Variants in ATP8B1 observed in about 807,000 individuals in gnomAD.
ATP8B1 encodes phospholipid-transporting ATPase IC.
A neutral mutation model predicts 149.9 loss-of-function variants in ATP8B1; 80 were observed. The observed-to-expected ratio is 0.53, with a 90% CI of 0.45 to 0.64. The LOEUF is 0.64. Ranked by LOEUF, ATP8B1 falls within the 30% of genes least tolerant of loss-of-function variation. The pLI is 0.00. For synonymous variants in ATP8B1, 536 were observed against 562.8 expected (o/e 0.95, Z 0.67); for missense variants, 1,247 against 1,552.6 (o/e 0.80, Z 3.31).
At chr18:57,700,431 C>T (rs1419170218) in intron 6 of ATP8B1, among the ~76,000 whole-genome samples, 1 of 152,102 alleles carries the variant, frequency 6.6e-6, no homozygotes, top group Non-Finnish European at 1.5e-5. Flanking sequence ...AGGTTCATTA[C>T]GTCCACTGGG....
chr18:57,658,656 TGTGTGTGTGTG>T (rs1910174983), intron 22 of ATP8B1, among the ~76,000 whole-genome samples: 1 of 149,206 alleles, frequency 6.7e-6, no homozygotes, highest in Admixed American at 7.0e-5. Flanking sequence ...TGTGTGTGTG[TGTGTGTGTGTG>T]TTCTTTTTTG....
intron 1 of ATP8B1, among the ~76,000 whole-genome samples, chr18:57,785,069 G>A (rs964884683): frequency 1.3e-5 from 2 of 152,170 alleles, no homozygotes; most frequent in African/African-American, 4.8e-5. Context: ...TTCCGGCTTT[G>A]TTGACAAGCA....
chr18:57,790,192 G>T (rs187771790), intron 1 of ATP8B1, among the ~76,000 whole-genome samples: 1 of 151,742 alleles, frequency 6.6e-6, no homozygotes, highest in Non-Finnish European at 1.5e-5. Context: ...CTACCTTCCA[G>T]TTCTCATCCC....
chr18:57,799,797 C>CAT (rs1445509427), intron 1 of ATP8B1, among the ~76,000 whole-genome samples: 3 of 151,658 alleles, frequency 2.0e-5, no homozygotes, highest in African/African-American at 7.3e-5. Context: ...CATACATGCA[C>CAT]ATATATATGC....
intron 15 of ATP8B1, among the ~76,000 whole-genome samples, chr18:57,682,505 C>T (rs1346611543): frequency 6.6e-6 from 1 of 152,176 alleles, no homozygotes; most frequent in African/African-American, 2.4e-5. Context: ...CCCTTAAAAT[C>T]CTATCACGTA....
chr18:57,752,214 AATAATAATAATG>A (rs1223916731), intron 1 of ATP8B1, among the ~76,000 whole-genome samples: 7 of 139,838 alleles, frequency 5.0e-5, no homozygotes, highest in Admixed American at 7.2e-5. Flanking sequence ...CTCAAATAAT[AATAATAATAATG>A]ATAATAATAA....
intron 16 of ATP8B1, among the ~76,000 whole-genome samples, chr18:57,672,484 A>C (rs190439068): frequency 2.6e-5 from 4 of 152,346 alleles, no homozygotes; most frequent in Admixed American, 1.3e-4. Flanking sequence ...TTATTGGTTA[A>C]AAATTCAATC....
rs535179119 is a variant in ATP8B1, at chr18:57,704,527, A to G, written c.393+28T>C. On this transcript the variant is annotated intron_variant, in intron 4 of 27. Coordinates refer to ENST00000648908, the MANE Select transcript of ATP8B1 (RefSeq NM_001374385.1). Reference sequence around the variant, plus strand: ...ATGTTATCGAGTCACTATAATTCAAACAGATTTAAGATAGCAAAGGGCATT... The same window carrying G: ...ATGTTATCGAGTCACTATAATTCAAGCAGATTTAAGATAGCAAAGGGCATT... 3 of 1,411,982 alleles carry G rather than the reference A, an allele frequency of 2.1e-6. No individual in the cohort carries two copies. The South Asian group carries it at 3.5e-5, about 16-fold the overall frequency. 87.5% of individuals were successfully genotyped at this position (1,411,982 alleles called of 1,614,324 possible). A position where few individuals can be genotyped will look rare whatever the true frequency, so the allele number is the denominator to read the frequency against.
Position 57,650,431 on chromosome 18 carries a change from C to T in ATP8B1, c.3467G>A (p.Cys1156Tyr), listed in dbSNP as rs377459678. 1 of 1,613,906 alleles carries T rather than the reference C, an allele frequency of 6.2e-7. No individual in the cohort carries two copies. Among genetic ancestry groups the T allele is most frequent in the African/African-American group, 1.3e-5 (1 of 74,916 alleles). Residue 1156 changes from cysteine (C) to tyrosine (Y), a missense_variant, in exon 27 of 28, where the codon TGC (cysteine) becomes TAC (tyrosine). This residue lies in a region of ATP8B1 where 164 missense variants were observed against 160.3 expected (regional missense o/e 1.02). Coordinates refer to ENST00000648908, the MANE Select transcript of ATP8B1 (RefSeq NM_001374385.1). Reference protein sequence around the residue: ...WLTIILAVAVCLLPVVAIRFL... With the variant: ...WLTIILAVAVYLLPVVAIRFL... ...TCGAATGGCAACGACGGGTAGTAAGCACACAGCAACAGCCAGGATGATAGT... is the reference window on the plus strand; with the variant it reads ...TCGAATGGCAACGACGGGTAGTAAGTACACAGCAACAGCCAGGATGATAGT...
At chr18:57,764,756 T>TAA (rs1568061359) in intron 1 of ATP8B1, among the ~76,000 whole-genome samples, 4 of 66,436 alleles carry the variant, frequency 6.0e-5, no homozygotes, top group African/African-American at 2.7e-4. Flanking sequence ...CTTTCAGTTG[T>TAA]CAAAAAAAAA....
chr18:57,674,298 G>A (rs1270345547), intron 16 of ATP8B1, among the ~76,000 whole-genome samples: 12 of 148,892 alleles, frequency 8.1e-5, no homozygotes, highest in African/African-American at 2.7e-4. Flanking sequence ...AAAAAAGAAC[G>A]TCAGCAGCAT....
chr18:57,762,076 G>T (rs192416666), intron 1 of ATP8B1, among the ~76,000 whole-genome samples: 52 of 151,542 alleles, frequency 3.4e-4, no homozygotes, highest in African/African-American at 1.2e-3. Flanking sequence ...GCATTAGAGT[G>T]GCACATTTGT....
intron 2 of ATP8B1, chr18:57,708,623 G>T (rs572994390): frequency 6.6e-6 from 1 of 152,166 alleles, no homozygotes; most frequent in African/African-American, 2.4e-5. Context: ...CCACTGTTAC[G>T]CATTTCAGGA....
chr18:57,721,868 G>A (rs2079650319), intron 2 of ATP8B1, among the ~76,000 whole-genome samples: 1 of 98,548 alleles, frequency 1.0e-5, no homozygotes, highest in Non-Finnish European at 2.0e-5. Flanking sequence ...CTCAGCAAAT[G>A]TAAAAGAACA....
intron 2 of ATP8B1, among the ~76,000 whole-genome samples, chr18:57,722,854 A>G (rs2079661966): frequency 6.8e-6 from 1 of 147,228 alleles, no homozygotes; most frequent in African/African-American, 2.5e-5. Context: ...CCTCAATAAA[A>G]TACTGGCAAA....
intron 20 of ATP8B1, among the ~76,000 whole-genome samples, chr18:57,663,799 G>A (rs914405512): frequency 2.6e-4 from 32 of 124,262 alleles, no homozygotes; most frequent in Admixed American, 1.8e-3. Flanking sequence ...GCAGAGTCTC[G>A]CTCTGTCACC....
intron 1 of ATP8B1, among the ~76,000 whole-genome samples, chr18:57,792,655 GTTCTGACGTAGA>G (rs1317253288): frequency 6.6e-6 from 1 of 152,126 alleles, no homozygotes; most frequent in Non-Finnish European, 1.5e-5. Context: ...TGATGAAAAG[GTTCTGACGTAGA>G]TTGTGGCAAC....
chr18:57,704,410 G>T, intron 4 of ATP8B1, 145 bp downstream of exon 4: 1 of 656,594 alleles, frequency 1.5e-6, no homozygotes. Context: ...AGCTGGTTCT[G>T]TGTATGAGGC....
chr18:57,763,741 T>C (rs914132807), intron 1 of ATP8B1, among the ~76,000 whole-genome samples: 1 of 152,194 alleles, frequency 6.6e-6, no homozygotes, highest in Non-Finnish European at 1.5e-5. Context: ...GAAAAATTTA[T>C]TTTTGCATAA....
Sources: gnomAD v4.1 joint callset for allele counts (sites outside exome capture counted in the v4.1 genomes callset) on GRCh38, gnomAD v4.1.1 for gene constraint, gnomAD v4.1.1 regional missense constraint, MANE v1.5 for transcripts, NCBI Gene and HGNC (gene_info 2026-07-23, HGNC 2026-07-21) for gene names.